The following NRG3 variants were observed in gnomAD, a reference collection of about 807,000 sequenced individuals.
The protein encoded by NRG3 is neuregulin 3.
A neutral mutation model predicts 66.9 loss-of-function variants in NRG3; 31 were observed. The observed-to-expected ratio is 0.46, with a 90% CI of 0.35 to 0.63. The LOEUF (loss-of-function observed/expected upper bound fraction) is 0.63, where lower values mean the gene tolerates loss of function less well. Among genes scored for constraint, NRG3 ranks in the 20% least tolerant of loss-of-function variants. The pLI is 0.00. For missense variants in NRG3, 910 were observed against 878.9 expected, an observed-to-expected ratio of 1.04 and a Z score of -0.45; for synonymous variants, 393 against 359.4, an observed-to-expected ratio of 1.09 and a Z score of -1.06.
intron 4 of NRG3, among the ~76,000 whole-genome samples, chr10:82,896,991 A>G (rs899413947): frequency 6.6e-6 from 1 of 152,230 alleles, no homozygotes; most frequent in Non-Finnish European, 1.5e-5. Context: ...CCATCTGCTC[A>G]TGAGAGAAGA....
At position 82,958,966 on chromosome 10, in the gene NRG3, T is replaced by A; in HGVS notation, c.1175T>A (p.Ile392Asn). 1.3e-6 allele frequency: 2 copies of A among 1,597,812 alleles called. No homozygotes were observed. Among genetic ancestry groups the A allele is most frequent in the Non-Finnish European group, 1.7e-6 (2 of 1,174,990 alleles). ...YFKSKKQAKQ[I>N]QEQLKVPQNG... ...GCCTGCAGGAAACAAGCTAAACAAA[T>A]CCAAGAGCAGCTGAAAGTGCCACAA... Residue 392 changes from isoleucine to asparagine, a missense_variant, in exon 6 of 9, where the codon ATC (isoleucine) becomes AAC (asparagine). By Grantham distance (149) the Ile-to-Asn change is moderately radical. Transcript: ENST00000372141.
At chr10:82,842,815 G>A (rs2063126056) in intron 3 of NRG3, among the ~76,000 whole-genome samples, 2 of 152,078 alleles carry the variant, frequency 1.3e-5, no homozygotes, top group South Asian at 4.1e-4. Flanking sequence ...CAAACTTCTG[G>A]CCTCAAGTGA....
At chr10:82,166,957 G>A (rs958295702) in intron 1 of NRG3, 55 of 447,218 alleles carry the variant, frequency 1.2e-4, no homozygotes, top group Non-Finnish European at 1.8e-4. Context: ...ATTTTGATAA[G>A]AAATCTGCCA....
At chr10:81,943,970 G>A (rs1190810665) in intron 1 of NRG3, among the ~76,000 whole-genome samples, 2 of 152,170 alleles carry the variant, frequency 1.3e-5, no homozygotes, top group Non-Finnish European at 2.9e-5. Flanking sequence ...CAGCAAGAAC[G>A]TGATTGCAGG....
At chr10:82,565,810 A>G (rs1327377437) in intron 2 of NRG3, among the ~76,000 whole-genome samples, 1 of 152,084 alleles carries the variant, frequency 6.6e-6, no homozygotes, top group Non-Finnish European at 1.5e-5. Context: ...AAGGTATGTA[A>G]TTCTGTTGTG....
intron 2 of NRG3, among the ~76,000 whole-genome samples, chr10:82,580,010 C>G (rs1385790539): frequency 6.6e-6 from 1 of 151,874 alleles, no homozygotes; most frequent in African/African-American, 2.4e-5. Context: ...GCTCAAGTCA[C>G]TTTTATAAAA....
At chr10:82,898,992 G>A (rs1356209788) in intron 4 of NRG3, among the ~76,000 whole-genome samples, 1 of 152,054 alleles carries the variant, frequency 6.6e-6, no homozygotes, top group Non-Finnish European at 1.5e-5. Context: ...TTACAGGCTT[G>A]AGCCACCGCA....
rs572341062 is a variant in NRG3 at position 82,189,790 on chromosome 10, A to G, written c.824-168949A>G. Among the ~76,000 whole-genome samples the G allele has an allele frequency of 4.6e-5, 7 of 151,604 alleles. No homozygotes were observed. In the South Asian group the frequency reaches 1.0e-3, roughly 23 times the overall value. On this transcript the variant is annotated intron_variant, in intron 1 of 8. Transcript: ENST00000372141. ...GGGTGACAGAGCAAGACTTTTCTCC[A>G]TAAAAAATAAATAAATAAATAAATT...
At chr10:81,998,522 G>T (rs940095902) in intron 1 of NRG3, among the ~76,000 whole-genome samples, 1 of 152,138 alleles carries the variant, frequency 6.6e-6, no homozygotes, top group African/African-American at 2.4e-5. Flanking sequence ...AAACTGGGCC[G>T]CAGAGTCGAT....
At chr10:82,039,288 C>T in intron 1 of NRG3, among the ~76,000 whole-genome samples, 1 of 152,038 alleles carries the variant, frequency 6.6e-6, no homozygotes, top group South Asian at 2.1e-4. Flanking sequence ...ACTGTCTTGG[C>T]TGAGCAACAT....
intron 3 of NRG3, among the ~76,000 whole-genome samples, chr10:82,759,089 A>T (rs113979597): frequency 0.032 from 4,808 of 152,160 alleles, 270 homozygotes; most frequent in African/African-American, 0.11. Flanking sequence ...CAGATCTGTC[A>T]TGAAGAGATT....
At chr10:81,928,397 A>G (rs938189255) in intron 1 of NRG3, among the ~76,000 whole-genome samples, 4 of 152,224 alleles carry the variant, frequency 2.6e-5, no homozygotes, top group African/African-American at 9.6e-5. Flanking sequence ...ATGTAGACCC[A>G]GCATTAGGAC....
rs979017854 is a variant in NRG3 at position 82,986,382 on chromosome 10, G to A, written c.*777G>A. 1 of 152,358 alleles carries A rather than the reference G, an allele frequency of 6.6e-6. No individual in the cohort carries two copies. The highest frequency in any genetic ancestry group is 6.5e-5 in the Admixed American group (1 of 15,306). 9.4% of individuals were successfully genotyped at this position (152,358 alleles called of 1,614,324 possible). ...TTTGTGTGCCTGTGTGCACATGTGT[G>A]TGCGAGCGTGTGTGTGTGTGGACTT... On this transcript the variant is annotated 3_prime_UTR_variant, in exon 9 of 9. Coordinates refer to ENST00000372141, the MANE Select transcript of NRG3 (RefSeq NM_001010848.4).
chr10:82,055,745 A>G (rs1405006257), intron 1 of NRG3, among the ~76,000 whole-genome samples: 1 of 152,174 alleles, frequency 6.6e-6, no homozygotes, highest in Non-Finnish European at 1.5e-5. Context: ...AAAATTTACA[A>G]TGCAAGAAAG....
At chr10:82,859,476 G>T (rs2063997733) in intron 3 of NRG3, among the ~76,000 whole-genome samples, 1 of 152,122 alleles carries the variant, frequency 6.6e-6, no homozygotes, top group South Asian at 2.1e-4. Context: ...GTTAAAGGTG[G>T]CATCCTGAGA....
intron 2 of NRG3, among the ~76,000 whole-genome samples, chr10:82,721,596 T>C (rs2057326069): frequency 2.0e-5 from 3 of 152,180 alleles, no homozygotes; most frequent in Admixed American, 2.0e-4. Flanking sequence ...CTAATTTTTG[T>C]ATTTTTAGCA....
intron 4 of NRG3, among the ~76,000 whole-genome samples, chr10:82,874,393 A>G (rs1380402302): frequency 1.3e-5 from 2 of 150,780 alleles, no homozygotes; most frequent in African/African-American, 4.9e-5. Context: ...AGAACTGAGG[A>G]TTCTTTTTTC....
intron 1 of NRG3, among the ~76,000 whole-genome samples, chr10:81,985,940 A>G (rs2060501472): frequency 1.3e-5 from 2 of 152,246 alleles, no homozygotes; most frequent in African/African-American, 2.4e-5. Context: ...AATTACTGCA[A>G]CAAGTGGTAA....
chr10:82,935,538 A>G (rs1847980961), intron 4 of NRG3, among the ~76,000 whole-genome samples: 1 of 152,250 alleles, frequency 6.6e-6, no homozygotes, highest in Admixed American at 6.5e-5. Context: ...AACAACGCCC[A>G]TGACTTATTA....
Sources: gnomAD v4.1 joint callset for allele counts (sites outside exome capture counted in the v4.1 genomes callset) on GRCh38, gnomAD v4.1.1 for gene constraint, MANE v1.5 for transcripts, NCBI Gene and HGNC (gene_info 2026-07-23, HGNC 2026-07-21) for gene names.